Variants in CDH13 observed in about 807,000 individuals in gnomAD.
CDH13 encodes the protein cadherin-13.
CDH13 carries 24 observed loss-of-function variants against 63.8 expected under a neutral mutation model. That is an observed-to-expected ratio of 0.38 (90% CI 0.27 to 0.53). The LOEUF is 0.53. CDH13 is among the 20% of genes least tolerant of loss of function. The pLI, the probability that CDH13 is intolerant of heterozygous loss-of-function variation, is 0.85. For missense variants in CDH13, 1,049 were observed against 903.1 expected (o/e 1.16, Z -2.07); for synonymous variants, 503 against 355.3 (o/e 1.42, Z -4.67).
intron 3 of CDH13, among the ~76,000 whole-genome samples, chr16:83,056,802 C>T (rs1427346554): frequency 6.6e-6 from 1 of 151,818 alleles, no homozygotes; most frequent in Non-Finnish European, 1.5e-5. Context: ...GTGAATAAGT[C>T]TCACGAGATT....
intron 5 of CDH13, among the ~76,000 whole-genome samples, chr16:83,301,024 G>GTTTTTTTTTTTTT (rs1567574870): frequency 3.7e-5 from 2 of 53,944 alleles, no homozygotes; most frequent in African/African-American, 6.7e-5. Context: ...AACTTTCTGG[G>GTTTTTTTTTTTTT]GTTTTTTTTT....
At chr16:83,006,047 A>G (rs141139623) in intron 2 of CDH13, among the ~76,000 whole-genome samples, 82 of 152,288 alleles carry the variant, frequency 5.4e-4, no homozygotes, top group African/African-American at 1.8e-3. Flanking sequence ...TCACCATTAC[A>G]TTTCATGTCC....
chr16:83,283,515 C>G (rs761946823), intron 5 of CDH13, among the ~76,000 whole-genome samples: 3 of 152,120 alleles, frequency 2.0e-5, no homozygotes, highest in Non-Finnish European at 2.9e-5. Context: ...CACTTGAACC[C>G]AGGAGGTGGA....
At chr16:83,727,771 G>T (rs942009010) in intron 10 of CDH13, among the ~76,000 whole-genome samples, 47 of 152,090 alleles carry the variant, frequency 3.1e-4, no homozygotes, top group African/African-American at 1.1e-3. Context: ...ACAGGTTTGG[G>T]AATGACAGAT....
chr16:83,039,041 A>G (rs1224287730), intron 3 of CDH13, among the ~76,000 whole-genome samples: 1 of 152,226 alleles, frequency 6.6e-6, no homozygotes, highest in East Asian at 1.9e-4. Context: ...CACACTAAAC[A>G]GTGGTAGAAT....
intron 3 of CDH13, among the ~76,000 whole-genome samples, chr16:83,080,244 G>C (rs2033141494): frequency 6.6e-6 from 1 of 152,116 alleles, no homozygotes; most frequent in Non-Finnish European, 1.5e-5. Context: ...GCCCCATGTT[G>C]CTCAAATTGG....
intron 6 of CDH13, among the ~76,000 whole-genome samples, chr16:83,405,585 A>T (rs1412824338): frequency 6.6e-6 from 1 of 152,050 alleles, no homozygotes. Flanking sequence ...TAGACTCCCG[A>T]CCTCCAGAAC....
At chr16:82,631,963 G>A (rs996249988) in intron 1 of CDH13, among the ~76,000 whole-genome samples, 1 of 152,154 alleles carries the variant, frequency 6.6e-6, no homozygotes, top group Non-Finnish European at 1.5e-5. Flanking sequence ...CCAAGTAGCA[G>A]CCACAGGCTA....
intron 6 of CDH13, among the ~76,000 whole-genome samples, chr16:83,417,730 A>C (rs1367236558): frequency 6.6e-6 from 1 of 152,194 alleles, no homozygotes; most frequent in Non-Finnish European, 1.5e-5. Flanking sequence ...GTAGAGATAG[A>C]ATTCAAGGCT....
At chr16:83,040,409 T>C (rs1455663405) in intron 3 of CDH13, among the ~76,000 whole-genome samples, 2 of 151,954 alleles carry the variant, frequency 1.3e-5, no homozygotes, top group African/African-American at 4.8e-5. Flanking sequence ...ACCTCAAAAG[T>C]AGGGAAGGTG....
intron 1 of CDH13, among the ~76,000 whole-genome samples, chr16:82,833,927 A>G (rs955373481): frequency 1.3e-5 from 2 of 152,192 alleles, no homozygotes; most frequent in African/African-American, 4.8e-5. Context: ...GTATTTAACA[A>G]AACCCCTTTC....
At chr16:83,362,306 T>C (rs1198936844) in intron 6 of CDH13, among the ~76,000 whole-genome samples, 1 of 152,224 alleles carries the variant, frequency 6.6e-6, no homozygotes, top group African/African-American at 2.4e-5. Context: ...ATTATGGCAA[T>C]GTCACAGCCG....
rs527676752 is a variant in CDH13, at chr16:83,788,907, A to G, written c.2134+5435A>G. ...TTGACACTCCAATGGTTTGCTGTAC[A>G]AAGACAGTAGTTTCAGCCCCCAAAA... On this transcript the variant is annotated intron_variant, in intron 13 of 13. Coordinates refer to ENST00000567109, the MANE Select transcript of CDH13 (RefSeq NM_001257.5). 9.7e-3 allele frequency among the ~76,000 whole-genome samples: 1,426 copies of G among 147,390 alleles called. 23 individuals are homozygous for G. The highest frequency in any genetic ancestry group is 0.036 in the African/African-American group (1,333 of 37,354).
chr16:83,508,611 A>G (rs1598183914), intron 7 of CDH13, among the ~76,000 whole-genome samples: 1 of 152,304 alleles, frequency 6.6e-6, no homozygotes, highest in Middle Eastern at 3.4e-3. Flanking sequence ...GAATAGGACA[A>G]CTTCGAGATA....
chr16:83,591,367 G>A (rs1315110643), intron 7 of CDH13, among the ~76,000 whole-genome samples: 1 of 152,278 alleles, frequency 6.6e-6, no homozygotes, highest in Non-Finnish European at 1.5e-5. Flanking sequence ...TTTTACTTCA[G>A]TGTTACAATC....
intron 1 of CDH13, among the ~76,000 whole-genome samples, chr16:82,743,419 G>C (rs897271008): frequency 6.6e-6 from 1 of 152,094 alleles, no homozygotes; most frequent in Non-Finnish European, 1.5e-5. Flanking sequence ...TGTAGTGACA[G>C]GGTCTCACCG....
chr16:83,209,768 C>T (rs952407558), intron 4 of CDH13, among the ~76,000 whole-genome samples: 3 of 151,888 alleles, frequency 2.0e-5, no homozygotes, highest in East Asian at 1.9e-4. Context: ...ACCTTGCAGG[C>T]GAGGAGGGCT....
chr16:83,401,408 A>G (rs111238124), intron 6 of CDH13, among the ~76,000 whole-genome samples: 14,279 of 151,658 alleles, frequency 0.094, 872 homozygotes, highest in Middle Eastern at 0.16. Flanking sequence ...GCGTGGTGGG[A>G]AGCTGAGGTG....
At chr16:83,152,930 G>A (rs942871367) in intron 4 of CDH13, among the ~76,000 whole-genome samples, 1 of 152,164 alleles carries the variant, frequency 6.6e-6, no homozygotes, top group African/African-American at 2.4e-5. Context: ...TGTGTGAGCA[G>A]GAAAGCAGAG....
Sources: allele counts gnomAD v4.1 joint callset (sites outside exome capture counted in the v4.1 genomes callset), GRCh38; gene constraint gnomAD v4.1.1; transcripts MANE v1.5; gene names NCBI Gene and HGNC (gene_info 2026-07-23, HGNC 2026-07-21).